The following KRT2 variants were observed in gnomAD, a reference collection of about 807,000 sequenced individuals.
KRT2 encodes keratin, type II cytoskeletal 2 epidermal.
Under a neutral mutation model 48.5 loss-of-function variants are expected in KRT2, and 37 were observed. The observed-to-expected ratio is 0.76, with a 90% CI of 0.59 to 1.00. The LOEUF (loss-of-function observed/expected upper bound fraction) is 1.00. Among genes scored for constraint, KRT2 ranks in the 50% least tolerant of loss-of-function variants. The pLI is 0.00. For synonymous variants in KRT2, 324 were observed against 312.2 expected, an observed-to-expected ratio of 1.04 and a Z score of -0.40; for missense variants, 880 against 815.2, an observed-to-expected ratio of 1.08 and a Z score of -0.97.
At chr12:52,649,208 C>T (rs758633339) in intron 3 of KRT2, 106 bp from the exon 4 acceptor site, 1 of 772,198 alleles carries the variant, frequency 1.3e-6, no homozygotes, top group Non-Finnish European at 2.3e-6. Context: ...TCTAAAATCC[C>T]AGGCTCCCCA....
intron 6 of KRT2, among the ~76,000 whole-genome samples, chr12:52,647,437 T>C (rs1007519347): frequency 1.1e-4 from 17 of 152,324 alleles, no homozygotes; most frequent in African/African-American, 4.1e-4. Context: ...CTGCAGCAAA[T>C]CAATCAAACT....
intron 5 of KRT2, 47 bp from the exon 6 acceptor site, chr12:52,647,902 C>A: frequency 6.2e-7 from 1 of 1,612,826 alleles, no homozygotes. Flanking sequence ...TCCAGCCTGG[C>A]TCACATTCCA....
Position 52,652,090 on chromosome 12 carries a change from C to T in KRT2, c.53G>A (p.Gly18Glu), listed in dbSNP as rs755477904. The T allele has an allele frequency of 5.7e-6, 9 of 1,586,816 alleles. No individual in the cohort carries two copies. The highest frequency in any genetic ancestry group is 3.3e-4 in the Middle Eastern group (2 of 6,058). ...KSRGRGGGGG[G>E]FRGFSSGSAV... Reference sequence around the variant, plus strand: ...TGAGCCGCTGCTGAAGCCCCGGAATCCTCCTCCACCTCCTCCTCTTCCTCG... The same window carrying T: ...TGAGCCGCTGCTGAAGCCCCGGAATTCTCCTCCACCTCCTCCTCTTCCTCG... Residue 18 changes from glycine (G) to glutamate (E), a missense_variant, in exon 1 of 9, where the codon GGA becomes GAA. Coordinates refer to ENST00000309680, the MANE Select transcript of KRT2 (RefSeq NM_000423.3).
rs373485048 is a variant in KRT2 at position 52,651,938 on chromosome 12, T to C, written c.205A>G (p.Thr69Ala). The C allele has an allele frequency of 1.9e-6, 3 of 1,613,396 alleles. No homozygotes were observed. Among genetic ancestry groups the C allele is most frequent in the Non-Finnish European group, 2.5e-6 (3 of 1,179,844 alleles). Residue 69 changes from threonine to alanine, a missense_variant, in exon 1 of 9, where the codon ACC becomes GCC. Physicochemically the swap from Thr to Ala is moderately conservative, Grantham distance 58 (BLOSUM62 0). Coordinates refer to ENST00000309680, the MANE Select transcript of KRT2 (RefSeq NM_000423.3). ...GSRSLVGLGG[T>A]KSISISVAGG... The stretch of plus-strand genomic sequence containing the variant: ...GCCACACTAATGGAGATGCTCTTGG[T>C]CCCTCCAAGGCCAACAAGACTCCGA...
At position 52,645,542 on chromosome 12, in the gene KRT2, C is replaced by A; in HGVS notation, c.1497G>T (p.Val499=). 6.2e-7 allele frequency: 1 copy of A among 1,614,198 alleles called. No individual in the cohort carries two copies. The highest frequency in any genetic ancestry group is 1.1e-5 in the South Asian group (1 of 91,064). ...CCACACCCCATTACTTACACACAGT[C>A]ACATTGCTGCTGAGGTCTCCAGACA... ...CRMSGDLSSN[V]TVSVTSSTIS... The change falls in exon 8 of 9, where the codon GTG becomes GTT. Residue 499 remains valine, a synonymous_variant. Coordinates refer to ENST00000309680, the MANE Select transcript of KRT2 (RefSeq NM_000423.3).
At chr12:52,650,045 G>A (rs1941225717) in intron 2 of KRT2, 71 bp from the exon 3 acceptor site, 1 of 1,127,622 alleles carries the variant, frequency 8.9e-7, no homozygotes, top group Non-Finnish European at 1.4e-6. Flanking sequence ...TTTTATACTG[G>A]ATTCACCCCA....
At chr12:52,651,404 T>C (rs2120954666) in intron 1 of KRT2, among the ~76,000 whole-genome samples, 154 bp downstream of exon 1, 1 of 152,322 alleles carries the variant, frequency 6.6e-6, no homozygotes. Context: ...CCCACAAAGC[T>C]GGCGTCTTTT....
chr12:52,648,449 T>G, intron 4 of KRT2, 112 bp from the exon 5 acceptor site: 1 of 907,584 alleles, frequency 1.1e-6, no homozygotes. Context: ...AAGCATACAC[T>G]AGGTGGGATG....
At chr12:52,651,503 G>T in intron 1 of KRT2, 55 bp downstream of exon 1, 1 of 1,308,972 alleles carries the variant, frequency 7.6e-7, no homozygotes, top group Non-Finnish European at 1.1e-6. Flanking sequence ...TTTTTGGTTG[G>T]CTCTGGAAGT....
At chr12:52,650,764 C>T (rs767016684) in intron 1 of KRT2, 5 of 615,576 alleles carry the variant, frequency 8.1e-6, no homozygotes, top group East Asian at 5.7e-5. Flanking sequence ...GCTCTCTCCA[C>T]GCAGAGGAGA....
At chr12:52,650,958 G>T (rs1394928341) in intron 1 of KRT2, among the ~76,000 whole-genome samples, 2 of 152,166 alleles carry the variant, frequency 1.3e-5, no homozygotes, top group East Asian at 1.9e-4. Context: ...AGAGGGCAGG[G>T]CTCCTCAGCC....
intron 6 of KRT2, 137 bp downstream of exon 6, chr12:52,647,593 G>C: frequency 1.0e-6 from 1 of 983,114 alleles, no homozygotes; most frequent in Admixed American, 2.0e-5. Flanking sequence ...TTAAGCTGGG[G>C]AATTTGGGAT....
At chr12:52,650,639 T>C in intron 1 of KRT2, 86 bp from the exon 2 acceptor site, 2 of 1,088,002 alleles carry the variant, frequency 1.8e-6, no homozygotes, top group Non-Finnish European at 2.8e-6. Flanking sequence ...GCTCAGGTGC[T>C]GCTTCAGGAC....
At chr12:52,648,002 T>G in intron 5 of KRT2, 147 bp from the exon 6 acceptor site, 1 of 1,257,350 alleles carries the variant, frequency 8.0e-7, no homozygotes, top group Non-Finnish European at 1.1e-6. Flanking sequence ...AGGTAGGGAC[T>G]GTCTCACATG....
intron 1 of KRT2, 49 bp from the exon 2 acceptor site, chr12:52,650,602 C>T: frequency 1.3e-6 from 2 of 1,509,730 alleles, no homozygotes; most frequent in South Asian, 1.1e-5. Context: ...ATCCTTCACA[C>T]CAAGCAAGCC....
chr12:52,651,928 A>T lies in KRT2; in HGVS notation c.215T>A (p.Ile72Asn), dbSNP rs761465850. The T allele has an allele frequency of 6.2e-7, 1 of 1,613,756 alleles. No individual in the cohort carries two copies. The highest frequency in any genetic ancestry group is 1.3e-5 in the African/African-American group (1 of 74,848). The change falls in exon 1 of 9, where the codon ATC becomes AAC. Residue 72 changes from isoleucine (I) to asparagine (N), a missense_variant. Transcript: ENST00000309680. ...ACCTCCTCCAGCCACACTAATGGAG[A>T]TGCTCTTGGTCCCTCCAAGGCCAAC... ...SLVGLGGTKSISISVAGGGGG... is the reference protein window; with the variant it reads ...SLVGLGGTKSNSISVAGGGGG...
In KRT2 at chr12:52,652,184, G is replaced by A. The variant is rs1006971746; in HGVS notation, c.-42C>T. Reference sequence around the variant, plus strand: ...GAGGAAAGTCACAGGCTCTTGAGAAGAGTCAAGGCTGGAGACTCAACTGTG... The same window carrying A: ...GAGGAAAGTCACAGGCTCTTGAGAAAAGTCAAGGCTGGAGACTCAACTGTG... On this transcript the variant is annotated 5_prime_UTR_variant, in exon 1 of 9. Transcript: ENST00000309680. 6.3e-6 allele frequency: 9 copies of A among 1,435,186 alleles called. No homozygotes were observed. In the African/African-American group the frequency reaches 1.1e-4, roughly 18 times the overall value. The allele number at this position is 1,435,186 out of a possible 1,614,324, so 88.9% of individuals were successfully genotyped here. A position where few individuals can be genotyped will look rare whatever the true frequency, so the allele number is the denominator to read the frequency against.
At chr12:52,649,216 C>T in intron 3 of KRT2, 114 bp from the exon 4 acceptor site, 2 of 740,872 alleles carry the variant, frequency 2.7e-6, no homozygotes, top group Non-Finnish European at 2.5e-6. Flanking sequence ...CCCAGGCTCC[C>T]CAACCTGATC....
Position 52,644,572 on chromosome 12 carries a change from G to A in KRT2, c.*447C>T, listed in dbSNP as rs3825222. 2,701 of 196,636 alleles carry A rather than the reference G, an allele frequency of 0.014. 82 individuals are homozygous for A. Among genetic ancestry groups the A allele is most frequent in the East Asian group, 0.1 (792 of 7,908 alleles). 12.2% of individuals were successfully genotyped at this position (196,636 alleles called of 1,614,324 possible). ...AGCACATGATATGAATTGCAAATGA[G>A]GTTTATTATGAAGACCCCCAGACCA... On this transcript the variant is annotated 3_prime_UTR_variant, in exon 9 of 9. Transcript: ENST00000309680.
Sources: allele counts gnomAD v4.1 joint callset (sites outside exome capture counted in the v4.1 genomes callset), GRCh38; gene constraint gnomAD v4.1.1; transcripts MANE v1.5; gene names NCBI Gene and HGNC (gene_info 2026-07-23, HGNC 2026-07-21).